Variants in MAP3K19 observed in about 807,000 individuals in gnomAD.
MAP3K19 encodes the protein SPS1/STE20-related protein kinase YSK4.
In MAP3K19, 91 loss-of-function variants were observed where a neutral mutation model predicts 114.4. The ratio of observed to expected loss-of-function variants is 0.80; its 90% CI spans 0.67 to 0.95. The LOEUF (loss-of-function observed/expected upper bound fraction) is 0.95, where lower values mean the gene tolerates loss of function less well. Among genes scored for constraint, MAP3K19 ranks in the 40% least tolerant of loss-of-function variants. The pLI is 0.00. For missense variants in MAP3K19, 1,471 were observed against 1,573.2 expected (o/e 0.94, Z 1.10); for synonymous variants, 518 against 530.5 (o/e 0.98, Z 0.32).
chr2:135,028,478 G>A (rs576466339), intron 3 of MAP3K19, among the ~76,000 whole-genome samples: 2 of 151,332 alleles, frequency 1.3e-5, no homozygotes, highest in South Asian at 2.1e-4. Flanking sequence ...GATCACCTGA[G>A]CCTGGGAAAG....
chr2:134,991,583 A>T lies in MAP3K19; in HGVS notation c.575-3T>A. 1 of 1,612,294 alleles carries T rather than the reference A, an allele frequency of 6.2e-7. No homozygotes were observed. The highest frequency in any genetic ancestry group is 8.5e-7 in the Non-Finnish European group (1 of 1,178,354). Reference sequence around the variant, plus strand: ...CTTCATATGAGAGGTCGAAAACTCTACAACAAGAAAAACAATAACTGGATA... The same window carrying T: ...CTTCATATGAGAGGTCGAAAACTCTTCAACAAGAAAAACAATAACTGGATA... On this transcript the variant is annotated splice_polypyrimidine_tract_variant and splice_region_variant and intron_variant, in intron 8 of 12. Coordinates refer to ENST00000392915, the MANE Select transcript of MAP3K19 (RefSeq NM_025052.5).
chr2:134,967,865 T>A (rs189762479), intron 12 of MAP3K19, among the ~76,000 whole-genome samples: 60 of 152,106 alleles, frequency 3.9e-4, no homozygotes, highest in Middle Eastern at 3.4e-3. Context: ...TTCTTTTTTT[T>A]TTTTTTATTT....
intron 10 of MAP3K19, among the ~76,000 whole-genome samples, chr2:134,985,426 C>T (rs940797217): frequency 6.6e-6 from 1 of 152,254 alleles, no homozygotes; most frequent in Admixed American, 6.5e-5. Context: ...TTCTATCTCA[C>T]ATACCTAGAG....
At chr2:135,019,172 A>G (rs1472169056) in intron 5 of MAP3K19, among the ~76,000 whole-genome samples, 1 of 152,174 alleles carries the variant, frequency 6.6e-6, no homozygotes, top group African/African-American at 2.4e-5. Context: ...ATAGGATAAA[A>G]TTGTGTCCTG....
At position 134,986,160 on chromosome 2, in the gene MAP3K19, TGTAA is replaced by T. The variant is rs773251736; in HGVS notation, c.2708_2711del (p.Leu903GlnfsTer29). On this transcript the variant is annotated frameshift_variant, in exon 10 of 13. Transcript: ENST00000392915. LOFTEE classifies it high-confidence loss of function. ...CTTGTTTTGCTTGGAAAGAGAAATT[TGTAA>T]GTGTTTTAGAGTGATCTGAAACACT... 3 of 1,613,860 alleles carry T rather than the reference TGTAA, an allele frequency of 1.9e-6. No homozygotes were observed. The highest frequency in any genetic ancestry group is 2.2e-5 in the East Asian group (1 of 44,882).
rs530541700 is a variant in MAP3K19, at chr2:135,045,993, T to C, written c.-424+1192A>G. Among the ~76,000 whole-genome samples, 3 of 151,950 alleles carry C rather than the reference T, an allele frequency of 2.0e-5. No individual in the cohort carries two copies. The South Asian group carries it at 6.2e-4, about 31-fold the overall frequency. On this transcript the variant is annotated intron_variant, in intron 1 of 12. Transcript: ENST00000392915. ...AGGCTGGAGTACAGCAGCTTGATCATAGCTCACTGCAGCCTCAAACTCCTA... is the reference window on the plus strand; with the variant it reads ...AGGCTGGAGTACAGCAGCTTGATCACAGCTCACTGCAGCCTCAAACTCCTA...
At chr2:135,033,954 C>T (rs1688461961) in intron 2 of MAP3K19, among the ~76,000 whole-genome samples, 1 of 72,684 alleles carries the variant, frequency 1.4e-5, no homozygotes, top group Non-Finnish European at 2.3e-5. Context: ...GGCTGCCGGG[C>T]GTAGGGGCTC....
At chr2:135,011,666 G>GT (rs375428484) in intron 5 of MAP3K19, among the ~76,000 whole-genome samples, 22 of 150,224 alleles carry the variant, frequency 1.5e-4, no homozygotes, top group Non-Finnish European at 1.6e-4. Context: ...AGAGTTTGAT[G>GT]TTGTTTGTTT....
At chr2:134,972,898 A>G (rs1683973938) in intron 12 of MAP3K19, among the ~76,000 whole-genome samples, 1 of 152,206 alleles carries the variant, frequency 6.6e-6, no homozygotes, top group Non-Finnish European at 1.5e-5. Flanking sequence ...CCCAGTAGCC[A>G]TTCAGGAACA....
At chr2:134,972,961 G>A (rs1683979053) in intron 12 of MAP3K19, among the ~76,000 whole-genome samples, 2 of 152,034 alleles carry the variant, frequency 1.3e-5, no homozygotes, top group Non-Finnish European at 2.9e-5. Context: ...TCTTGTTATT[G>A]ATTTCTAGTT....
intron 8 of MAP3K19, among the ~76,000 whole-genome samples, chr2:134,994,497 A>G (rs932851784): frequency 6.6e-6 from 1 of 152,218 alleles, no homozygotes; most frequent in Non-Finnish European, 1.5e-5. Flanking sequence ...CAAAGATGCT[A>G]AGGAGCTGGG....
Position 134,986,337 on chromosome 2 carries a change from G to T in MAP3K19, c.2535C>A (p.His845Gln), listed in dbSNP as rs752357609. 3.9e-5 allele frequency: 63 copies of T among 1,613,718 alleles called. No homozygotes were observed. The highest frequency in any genetic ancestry group is 5.3e-5 in the Non-Finnish European group (62 of 1,179,902). The change falls in exon 10 of 13, where the codon CAC becomes CAA. Residue 845 changes from histidine (H) to glutamine (Q), a missense_variant. His to Gln is a conservative substitution (Grantham distance 24). Coordinates refer to ENST00000392915, the MANE Select transcript of MAP3K19 (RefSeq NM_025052.5). ...RDLQELEELHHQIPFIPSEDS... is the reference protein window; with the variant it reads ...RDLQELEELHQQIPFIPSEDS... ...CTTCTGAAGGGATAAATGGGATCTG[G>T]TGATGTAGCTCTTCAAGTTCTTGCA...
intron 3 of MAP3K19, among the ~76,000 whole-genome samples, chr2:135,027,309 A>G (rs980651932): frequency 1.3e-5 from 2 of 150,988 alleles, no homozygotes; most frequent in Admixed American, 6.6e-5. Flanking sequence ...AAGGAGAGGG[A>G]AAAGAAAGAG....
intron 5 of MAP3K19, among the ~76,000 whole-genome samples, chr2:135,014,959 T>A (rs1455099491): frequency 6.6e-6 from 1 of 152,222 alleles, no homozygotes; most frequent in African/African-American, 2.4e-5. Flanking sequence ...TGATAGGCAC[T>A]TGGGTATTTT....
In MAP3K19 at chr2:134,985,938, T is replaced by C. The variant is rs56319025; in HGVS notation, c.2934A>G (p.Leu978=). ...ELLGCLAAEL[L]ALDEKDNNSC... ...AGTTGTTATCTTTCTCATCAAGAGC[T>C]AATAATTCTGCAGCTAGACAACCTA... The change falls in exon 10 of 13, where the codon TTA becomes TTG. Residue 978 remains leucine (L), a synonymous_variant. Coordinates refer to ENST00000392915, the MANE Select transcript of MAP3K19 (RefSeq NM_025052.5). 8,938 of 1,614,126 alleles carry C rather than the reference T, an allele frequency of 5.5e-3. 28 individuals carry two copies. Among genetic ancestry groups the C allele is most frequent in the Admixed American group, 7.4e-3 (442 of 60,032 alleles).
Position 134,981,432 on chromosome 2 carries a change from C to T in MAP3K19, c.3309G>A (p.Lys1103=). ...LDTSNKLAAE[K]EYRKLQEEVD... Reference sequence around the variant, plus strand: ...CTTCTTCCTGTAGTTTCCGGTATTCCTTTTCAGCAGCTAATTTATTAGAGG... The same window carrying T: ...CTTCTTCCTGTAGTTTCCGGTATTCTTTTTCAGCAGCTAATTTATTAGAGG... Residue 1103 remains lysine (K), a synonymous_variant, in exon 12 of 13, where the codon AAG becomes AAA. Coordinates refer to ENST00000392915, the MANE Select transcript of MAP3K19 (RefSeq NM_025052.5). 1.9e-6 allele frequency: 3 copies of T among 1,614,188 alleles called. No individual in the cohort carries two copies. The highest frequency in any genetic ancestry group is 2.5e-6 in the Non-Finnish European group (3 of 1,180,036).
chr2:135,004,296 G>T (rs1335083190), intron 6 of MAP3K19, among the ~76,000 whole-genome samples: 2 of 152,174 alleles, frequency 1.3e-5, no homozygotes, highest in African/African-American at 4.8e-5. Context: ...GGGTTTCGGG[G>T]TTTATTTTCT....
At chr2:135,017,863 A>C (rs1279348572) in intron 5 of MAP3K19, among the ~76,000 whole-genome samples, 1 of 152,216 alleles carries the variant, frequency 6.6e-6, no homozygotes, top group Non-Finnish European at 1.5e-5. Context: ...ACTAAATCTA[A>C]GATGTCCTTG....
chr2:134,991,705 G>GT, intron 8 of MAP3K19, 125 bp from the exon 9 acceptor site: 1 of 767,992 alleles, frequency 1.3e-6, no homozygotes, highest in East Asian at 2.7e-5. Flanking sequence ...GAAATTGGAG[G>GT]TTTCCCCTGT....
Sources: allele counts gnomAD v4.1 joint callset (sites outside exome capture counted in the v4.1 genomes callset), GRCh38; gene constraint gnomAD v4.1.1; transcripts MANE v1.5; gene names NCBI Gene and HGNC (gene_info 2026-07-23, HGNC 2026-07-21).